SLC14A2: variants seen among roughly 807,000 people sequenced by gnomAD.
SLC14A2 encodes the protein solute carrier family 14 member 2.
In SLC14A2, 91 loss-of-function variants were observed where a neutral mutation model predicts 104.6. That is an observed-to-expected ratio of 0.87 (90% CI 0.73 to 1.04). SLC14A2 has a LOEUF of 1.04. Ranked by LOEUF, SLC14A2 falls within the 50% of genes least tolerant of loss-of-function variation. SLC14A2 has a pLI of 0.00. For missense variants in SLC14A2, 1,189 were observed against 1,156.0 expected (o/e 1.03, Z -0.41); for synonymous variants, 476 against 466.4 (o/e 1.02, Z -0.27).
At chr18:45,529,783 T>A (rs1209497029) in intron 2 of SLC14A2, 1 of 152,146 alleles carries the variant, frequency 6.6e-6, no homozygotes, top group Non-Finnish European at 1.5e-5. Flanking sequence ...TGGAATTCCA[T>A]CTCTGAAGCC....
intron 1 of SLC14A2, among the ~76,000 whole-genome samples, chr18:45,434,432 C>A (rs1233072532): frequency 6.6e-6 from 1 of 151,910 alleles, no homozygotes; most frequent in Non-Finnish European, 1.5e-5. Flanking sequence ...AAAAGGCTGG[C>A]AGTTTAACTC....
At chr18:45,608,065 T>C (rs570058047) in intron 2 of SLC14A2, among the ~76,000 whole-genome samples, 22 of 152,382 alleles carry the variant, frequency 1.4e-4, no homozygotes, top group African/African-American at 5.3e-4. Flanking sequence ...AGTTACTTTC[T>C]GGTTTCCGTT....
At chr18:45,444,169 G>C (rs544084435) in intron 1 of SLC14A2, among the ~76,000 whole-genome samples, 3 of 152,218 alleles carry the variant, frequency 2.0e-5, no homozygotes, top group African/African-American at 7.2e-5. Flanking sequence ...AGAACCAACT[G>C]GAAGCCCTGT....
intron 2 of SLC14A2, among the ~76,000 whole-genome samples, chr18:45,578,581 A>G (rs1413060076): frequency 1.3e-5 from 2 of 152,196 alleles, no homozygotes; most frequent in Non-Finnish European, 2.9e-5. Context: ...CTTCAACAGT[A>G]TAGGTACTCT....
chr18:45,472,793 T>G (rs77989628), intron 1 of SLC14A2, among the ~76,000 whole-genome samples: 1 of 152,104 alleles, frequency 6.6e-6, no homozygotes, highest in Admixed American at 6.5e-5. Flanking sequence ...GTCAGATGGA[T>G]AGAATGCAAA....
chr18:45,638,910 G>A (rs1422602124), intron 6 of SLC14A2, among the ~76,000 whole-genome samples: 2 of 152,164 alleles, frequency 1.3e-5, no homozygotes, highest in African/African-American at 4.8e-5. Context: ...TGCCTGCCCT[G>A]CCATTCTCCC....
intron 2 of SLC14A2, chr18:45,483,583 A>G (rs2087538568): frequency 6.6e-6 from 1 of 152,302 alleles, no homozygotes; most frequent in South Asian, 2.1e-4. Context: ...TTCTATTTAT[A>G]TGTCAAAAAT....
intron 1 of SLC14A2, among the ~76,000 whole-genome samples, chr18:45,221,410 C>A (rs1037755349): frequency 5.3e-5 from 8 of 152,098 alleles, no homozygotes; most frequent in Non-Finnish European, 1.0e-4. Flanking sequence ...ATCTTGCATC[C>A]TGTGGTCTCC....
intron 1 of SLC14A2, among the ~76,000 whole-genome samples, chr18:45,445,143 G>T (rs1422965459): frequency 8.4e-6 from 1 of 119,536 alleles, no homozygotes; most frequent in Non-Finnish European, 1.6e-5. Flanking sequence ...ACGGAGTCTT[G>T]CTCTGTTCCC....
chr18:45,473,329 CT>C (rs1235847102), intron 1 of SLC14A2, among the ~76,000 whole-genome samples: 4 of 152,156 alleles, frequency 2.6e-5, no homozygotes, highest in Non-Finnish European at 5.9e-5. Flanking sequence ...CGGCTTTGTT[CT>C]TTTTGCTTAG....
chr18:45,564,827 C>T (rs1484194944), intron 2 of SLC14A2, among the ~76,000 whole-genome samples: 21 of 151,958 alleles, frequency 1.4e-4, no homozygotes, highest in Admixed American at 1.4e-3. Flanking sequence ...GATCTTTGCA[C>T]CTAAGTCTGT....
At chr18:45,219,997 A>G (rs1320229016) in intron 1 of SLC14A2, among the ~76,000 whole-genome samples, 1 of 152,242 alleles carries the variant, frequency 6.6e-6, no homozygotes, top group African/African-American at 2.4e-5. Flanking sequence ...TCTTAGCTCA[A>G]TGATAGATTT....
intron 1 of SLC14A2, among the ~76,000 whole-genome samples, chr18:45,291,118 C>G (rs2084865238): frequency 6.6e-6 from 1 of 152,142 alleles, no homozygotes; most frequent in South Asian, 2.1e-4. Flanking sequence ...GCCTTCGAGT[C>G]ACAAATGCTA....
chr18:45,548,713 A>C (rs556021161), intron 2 of SLC14A2, among the ~76,000 whole-genome samples: 6 of 152,330 alleles, frequency 3.9e-5, no homozygotes, highest in African/African-American at 1.4e-4. Flanking sequence ...ACAAAAAATA[A>C]GAATCACATA....
the SLC14A2 span, among the ~76,000 whole-genome samples, chr18:45,195,423 G>T: frequency 6.6e-6 from 1 of 151,898 alleles, no homozygotes; most frequent in African/African-American, 2.4e-5. Flanking sequence ...ACTAAGTCTT[G>T]CTCTGTTGCC....
In SLC14A2 at chr18:45,553,997, A is replaced by G. The variant is rs2044092150; in HGVS notation, c.-34-70634A>G. Among the ~76,000 whole-genome samples, 3 of 152,226 alleles carry G rather than the reference A, an allele frequency of 2.0e-5. No individual in the cohort carries two copies. The South Asian group carries it at 6.2e-4, about 32-fold the overall frequency. On this transcript the variant is annotated intron_variant, in intron 2 of 20. Coordinates refer to the SLC14A2 transcript ENST00000586448. ...ATTCCAAATGAACTCATGTATTCGG[A>G]GCAAAACTAAATAAATAAAAAAGCC... is the stretch of plus-strand genomic sequence containing the variant.
intron 1 of SLC14A2, among the ~76,000 whole-genome samples, chr18:45,247,717 T>TC (rs1480523539): frequency 1.3e-5 from 2 of 150,414 alleles, no homozygotes; most frequent in South Asian, 2.1e-4. Context: ...TTTTTTTTTT[T>TC]CATATTAACA....
At chr18:45,471,969 C>T (rs2087257804) in intron 1 of SLC14A2, among the ~76,000 whole-genome samples, 1 of 151,974 alleles carries the variant, frequency 6.6e-6, no homozygotes, top group South Asian at 2.1e-4. Context: ...TGGTGGTTTG[C>T]TGCACCCATC....
chr18:45,495,590 T>C (rs1278974143), intron 2 of SLC14A2, among the ~76,000 whole-genome samples: 3 of 152,174 alleles, frequency 2.0e-5, no homozygotes, highest in Non-Finnish European at 2.9e-5. Flanking sequence ...TCAATGTACA[T>C]TTCTATGAGA....
Sources: allele counts gnomAD v4.1 joint callset (sites outside exome capture counted in the v4.1 genomes callset), GRCh38; gene constraint gnomAD v4.1.1; transcripts MANE v1.5; gene names NCBI Gene and HGNC (gene_info 2026-07-23, HGNC 2026-07-21).